The following ZPBP variants were observed in gnomAD, a reference collection of about 807,000 sequenced individuals.
The protein encoded by ZPBP is zona pellucida binding protein, also known as zona pellucida-binding protein 1.
In ZPBP, 26 loss-of-function variants were observed where a neutral mutation model predicts 44.8. The observed-to-expected ratio is 0.58, with a 90% CI of 0.43 to 0.81. The LOEUF is 0.81. Ranked by LOEUF, ZPBP falls within the 30% of genes least tolerant of loss-of-function variation. The pLI is 0.00. For synonymous variants in ZPBP, 174 were observed against 153.2 expected, an observed-to-expected ratio of 1.14 and a Z score of -1.00; for missense variants, 409 against 434.0, an observed-to-expected ratio of 0.94 and a Z score of 0.51.
intron 7 of ZPBP, among the ~76,000 whole-genome samples, chr7:49,961,109 G>T (rs775488623): frequency 7.2e-5 from 11 of 152,110 alleles, no homozygotes; most frequent in Non-Finnish European, 1.2e-4. Flanking sequence ...ACAGTCATAG[G>T]TATTTTTCCA....
chr7:49,863,134 A>G (rs1484521780), intron 2 of ZPBP, among the ~76,000 whole-genome samples: 2 of 152,182 alleles, frequency 1.3e-5, no homozygotes, highest in Non-Finnish European at 1.5e-5. Flanking sequence ...TACTGATTCA[A>G]TATCTTCACT....
intron 2 of ZPBP, among the ~76,000 whole-genome samples, chr7:49,884,843 T>C (rs889352407): frequency 5.9e-5 from 9 of 151,970 alleles, no homozygotes; most frequent in Non-Finnish European, 1.3e-4. Flanking sequence ...ACGTCAATAG[T>C]TAATCAAAAC....
chr7:49,867,920 G>A (rs910375406), intron 2 of ZPBP, among the ~76,000 whole-genome samples: 4 of 151,144 alleles, frequency 2.6e-5, no homozygotes, highest in Admixed American at 2.0e-4. Flanking sequence ...TGCAATCTCC[G>A]CCTCCCAAGT....
chr7:50,089,586 G>A (rs1802844867), intron 2 of ZPBP, 43 bp downstream of exon 2: 2 of 1,393,620 alleles, frequency 1.4e-6, no homozygotes, highest in Non-Finnish European at 2.0e-6. Context: ...TTAAACAAAT[G>A]CTAATAACTT....
chr7:49,964,891 G>T (rs1205192606), intron 7 of ZPBP, among the ~76,000 whole-genome samples: 2 of 152,014 alleles, frequency 1.3e-5, no homozygotes, highest in Admixed American at 1.3e-4. Flanking sequence ...AAAACATCAT[G>T]GATTTCTATT....
At chr7:50,056,913 T>C (rs561170471) in intron 4 of ZPBP, among the ~76,000 whole-genome samples, 39 of 152,062 alleles carry the variant, frequency 2.6e-4, no homozygotes, top group South Asian at 6.2e-4. Context: ...TGGCTAGGTG[T>C]GGTGGCTCAT....
intron 1 of ZPBP, among the ~76,000 whole-genome samples, chr7:49,903,421 T>C (rs1192766054): frequency 1.3e-5 from 2 of 152,236 alleles, no homozygotes; most frequent in African/African-American, 2.4e-5. Flanking sequence ...GAATGAACTA[T>C]TGATACTCAC....
intron 4 of ZPBP, among the ~76,000 whole-genome samples, chr7:50,053,512 T>A (rs1800788540): frequency 6.6e-6 from 1 of 152,200 alleles, no homozygotes; most frequent in Non-Finnish European, 1.5e-5. Flanking sequence ...TGTGTGAAAA[T>A]GGTTACATTA....
At chr7:50,044,292 G>C (rs960184940) in intron 4 of ZPBP, among the ~76,000 whole-genome samples, 1 of 152,070 alleles carries the variant, frequency 6.6e-6, no homozygotes, top group Non-Finnish European at 1.5e-5. Flanking sequence ...AAAGCCAGCA[G>C]AAGACAAGAA....
At chr7:49,918,961 CA>C (rs1465705692) in intron 1 of ZPBP, 1 of 151,590 alleles carries the variant, frequency 6.6e-6, no homozygotes, top group East Asian at 1.9e-4. Context: ...GAGGCTGAGG[CA>C]GGAGAATCCC....
At chr7:49,932,505 C>T (rs1272360614), downstream of ZPBP, among the ~76,000 whole-genome samples, 1 of 152,220 alleles carries the variant, frequency 6.6e-6, no homozygotes, top group Non-Finnish European at 1.5e-5. Flanking sequence ...GCCAATTTCT[C>T]CCATTAGGAA....
intron 7 of ZPBP, among the ~76,000 whole-genome samples, chr7:49,968,254 T>C (rs1458338067): frequency 2.0e-5 from 3 of 152,052 alleles, no homozygotes; most frequent in Non-Finnish European, 4.4e-5. Context: ...ATATTTTTCC[T>C]GAAATTTAAA....
chr7:50,020,971 C>A (rs1419070127), intron 5 of ZPBP, among the ~76,000 whole-genome samples: 1 of 151,970 alleles, frequency 6.6e-6, no homozygotes, highest in Non-Finnish European at 1.5e-5. Flanking sequence ...CCTCAGAGGA[C>A]ATGACAAAAG....
At chr7:50,060,436 A>G (rs1387996758) in intron 3 of ZPBP, among the ~76,000 whole-genome samples, 2 of 152,208 alleles carry the variant, frequency 1.3e-5, no homozygotes, top group Non-Finnish European at 2.9e-5. Flanking sequence ...GAGCAAAAAA[A>G]AGAGAGGATC....
chr7:50,082,227 G>A (rs1050306641), intron 2 of ZPBP, among the ~76,000 whole-genome samples: 1 of 151,624 alleles, frequency 6.6e-6, no homozygotes, highest in Non-Finnish European at 1.5e-5. Flanking sequence ...AAAGTATTAA[G>A]ATAATACTAT....
At position 50,067,081 on chromosome 7, in the gene ZPBP, C is replaced by T. The variant is rs1302969974; in HGVS notation, c.335-8940G>A. Among the ~76,000 whole-genome samples, 5 of 152,246 alleles carry T rather than the reference C, an allele frequency of 3.3e-5. No individual in the cohort carries two copies. In the South Asian group the frequency reaches 8.3e-4, roughly 25 times the overall value. Reference sequence around the variant, plus strand: ...CCTATTTTTTAACCTAAACAAAGTCCTCAGGTTTGAAAGGGTGTACTGGGT... The same window carrying T: ...CCTATTTTTTAACCTAAACAAAGTCTTCAGGTTTGAAAGGGTGTACTGGGT... On this transcript the variant is annotated intron_variant, in intron 3 of 7. Coordinates refer to ENST00000046087, the MANE Select transcript of ZPBP (RefSeq NM_007009.3).
chr7:49,861,660 TA>T (rs748938469), intron 2 of ZPBP, among the ~76,000 whole-genome samples: 9 of 152,236 alleles, frequency 5.9e-5, no homozygotes, highest in Non-Finnish European at 1.0e-4. Context: ...AATTTTGAGT[TA>T]ATTTTTGTAT....
chr7:50,017,052 T>C (rs1798850161), intron 6 of ZPBP, among the ~76,000 whole-genome samples: 1 of 152,076 alleles, frequency 6.6e-6, no homozygotes, highest in African/African-American at 2.4e-5. Flanking sequence ...TGGGGGATGG[T>C]TCGAGGGTGA....
chr7:49,950,848 A>G (rs1795310758), intron 7 of ZPBP, among the ~76,000 whole-genome samples: 1 of 151,844 alleles, frequency 6.6e-6, no homozygotes, highest in Non-Finnish European at 1.5e-5. Flanking sequence ...CAAATTTCAA[A>G]ACTTACTACA....
Sources: allele counts gnomAD v4.1 joint callset (sites outside exome capture counted in the v4.1 genomes callset), GRCh38; gene constraint gnomAD v4.1.1; transcripts MANE v1.5; gene names NCBI Gene and HGNC (gene_info 2026-07-23, HGNC 2026-07-21).